Variants in OOSP1 observed in about 807,000 individuals in gnomAD.
OOSP1 encodes putative oocyte-secreted protein 1 homolog.
In OOSP1, 11 loss-of-function variants were observed where a neutral mutation model predicts 5.7. The observed-to-expected ratio is 1.94, with a 90% CI of 1.22 to 3.20. The LOEUF (loss-of-function observed/expected upper bound fraction) is 3.20. OOSP1 is among the 30% of genes most tolerant of loss of function. The pLI is 0.00. For missense variants in OOSP1, 83 were observed against 54.1 expected (o/e 1.53, Z -1.67); for synonymous variants, 44 against 20.0 (o/e 2.20, Z -3.20).
At chr11:59,946,680 A>C (rs1833225088) in intron 3 of OOSP1, among the ~76,000 whole-genome samples, 2 of 152,176 alleles carry the variant, frequency 1.3e-5, no homozygotes, top group Non-Finnish European at 2.9e-5. Flanking sequence ...ACCCATATGC[A>C]AGTTTCCTGA....
At chr11:59,951,419 C>G (rs572073654) in intron 4 of OOSP1, among the ~76,000 whole-genome samples, 1 of 152,070 alleles carries the variant, frequency 6.6e-6, no homozygotes, top group Non-Finnish European at 1.5e-5. Context: ...GGGCTGAGTA[C>G]ATGGTAAAGC....
intron 4 of OOSP1, among the ~76,000 whole-genome samples, chr11:59,954,775 C>T (rs184482832): frequency 7.8e-4 from 118 of 152,142 alleles, no homozygotes; most frequent in African/African-American, 2.5e-3. Context: ...AGGGAGAAAA[C>T]TGTAGTTTTG....
At chr11:59,955,269 A>G (rs1035050196) in intron 4 of OOSP1, among the ~76,000 whole-genome samples, 2 of 152,152 alleles carry the variant, frequency 1.3e-5, no homozygotes, top group African/African-American at 4.8e-5. Context: ...AAATCCTTTC[A>G]GTCTAATTGT....
rs532909066 is a variant in OOSP1 at position 59,942,819 on chromosome 11, A to G, written c.77-28A>G. 1.3e-5 allele frequency: 9 copies of G among 694,548 alleles called. No homozygotes were observed. In the East Asian group the frequency reaches 2.2e-4, roughly 17 times the overall value. The allele number at this position is 694,548 out of a possible 1,614,324, so 43.0% of individuals were successfully genotyped here. ...GAGCTGATCTATGTAATTGCATACTAACAAAATTTCTTTTTCCTGCTTTTC... is the reference window on the plus strand; with the variant it reads ...GAGCTGATCTATGTAATTGCATACTGACAAAATTTCTTTTTCCTGCTTTTC... On this transcript the variant is annotated intron_variant, in intron 1 of 4. Coordinates refer to ENST00000646685, the Ensembl canonical transcript of OOSP1.
At chr11:59,957,431 G>A (rs750225180) in exon 5 of OOSP1, 3 of 380,830 alleles carry the variant, frequency 7.9e-6, no homozygotes, top group Non-Finnish European at 1.4e-5. Flanking sequence ...GTCATCATAC[G>A]TGTTCATTGG....
chr11:59,946,481 T>C (rs1347791362), intron 3 of OOSP1, among the ~76,000 whole-genome samples: 1 of 152,176 alleles, frequency 6.6e-6, no homozygotes, highest in Non-Finnish European at 1.5e-5. Flanking sequence ...GGGACACAGA[T>C]TCCAAACCAT....
intron 4 of OOSP1, among the ~76,000 whole-genome samples, chr11:59,953,384 T>C (rs1853959863): frequency 6.6e-6 from 1 of 152,136 alleles, no homozygotes; most frequent in African/African-American, 2.4e-5. Flanking sequence ...CTCATATATA[T>C]ATATATTTTT....
chr11:59,946,370 G>T (rs146496988), intron 3 of OOSP1, among the ~76,000 whole-genome samples: 1 of 152,178 alleles, frequency 6.6e-6, no homozygotes, highest in African/African-American at 2.4e-5. Flanking sequence ...GGGGACTGCC[G>T]TGCTAAACCA....
intron 3 of OOSP1, among the ~76,000 whole-genome samples, chr11:59,946,915 A>ATATC (rs10555344): frequency 0.066 from 9,533 of 145,154 alleles, 320 homozygotes; most frequent in East Asian, 0.08. Context: ...CTCATCTACC[A>ATATC]TATCTATCTA....
intron 4 of OOSP1, among the ~76,000 whole-genome samples, chr11:59,952,481 G>T (rs1323456829): frequency 3.3e-5 from 5 of 152,134 alleles, no homozygotes; most frequent in Non-Finnish European, 7.4e-5. Context: ...AATGTCTTTT[G>T]CAGGAACTTG....
chr11:59,942,611 C>T (rs1009547421), intron 1 of OOSP1, among the ~76,000 whole-genome samples: 1 of 151,926 alleles, frequency 6.6e-6, no homozygotes, highest in Non-Finnish European at 1.5e-5. Flanking sequence ...TTGATTTTTT[C>T]CCCCCTATAT....
At chr11:59,939,922 T>G (rs1463536085) in intron 1 of OOSP1, among the ~76,000 whole-genome samples, 2 of 152,136 alleles carry the variant, frequency 1.3e-5, no homozygotes, top group South Asian at 4.1e-4. Context: ...AAAAAAAAAT[T>G]TTTTGTAGAG....
intron 1 of OOSP1, among the ~76,000 whole-genome samples, chr11:59,938,987 C>A (rs1853798210): frequency 6.6e-6 from 1 of 152,102 alleles, no homozygotes; most frequent in African/African-American, 2.4e-5. Context: ...GTCAGTGCCC[C>A]CTAAGTGAGG....
At chr11:59,939,506 T>G (rs1347484209) in intron 1 of OOSP1, among the ~76,000 whole-genome samples, 1 of 151,956 alleles carries the variant, frequency 6.6e-6, no homozygotes, top group Admixed American at 6.6e-5. Context: ...CCCACCTCGG[T>G]CTCCCAAAGT....
At chr11:59,952,741 A>C (rs762214353) in intron 4 of OOSP1, among the ~76,000 whole-genome samples, 1 of 152,110 alleles carries the variant, frequency 6.6e-6, no homozygotes, top group South Asian at 2.1e-4. Flanking sequence ...CCACTATCTA[A>C]TTCATCTATC....
chr11:59,950,270 G>A (rs1000333885), intron 4 of OOSP1, among the ~76,000 whole-genome samples: 1 of 152,188 alleles, frequency 6.6e-6, no homozygotes. Flanking sequence ...ATGCTGCTTA[G>A]ATCTCCAAGA....
intron 2 of OOSP1, among the ~76,000 whole-genome samples, chr11:59,944,380 C>G (rs1853861719): frequency 6.6e-6 from 1 of 150,960 alleles, no homozygotes. Context: ...AGGGAATATT[C>G]AAATGTTAAC....
At chr11:59,942,522 A>C (rs1760774762) in intron 1 of OOSP1, among the ~76,000 whole-genome samples, 1 of 152,204 alleles carries the variant, frequency 6.6e-6, no homozygotes. Flanking sequence ...TAGTATAAAC[A>C]TTATAATATA....
intron 4 of OOSP1, among the ~76,000 whole-genome samples, chr11:59,956,862 A>G (rs1853998450): frequency 6.6e-6 from 1 of 152,124 alleles, no homozygotes; most frequent in Non-Finnish European, 1.5e-5. Flanking sequence ...ATCTCATCCA[A>G]GTCACTGTGA....
Sources: allele counts gnomAD v4.1 joint callset (sites outside exome capture counted in the v4.1 genomes callset), GRCh38; gene constraint gnomAD v4.1.1; transcripts MANE v1.5; gene names NCBI Gene and HGNC (gene_info 2026-07-23, HGNC 2026-07-21).